The following PRUNE2 variants were observed in gnomAD, a reference collection of about 807,000 sequenced individuals.
PRUNE2 encodes protein prune homolog 2.
In PRUNE2, 164 loss-of-function variants were observed where a neutral mutation model predicts 252.0. The observed-to-expected ratio is 0.65, with a 90% CI of 0.57 to 0.74. The LOEUF (loss-of-function observed/expected upper bound fraction) is 0.74. PRUNE2 is among the 30% of genes least tolerant of loss of function. The pLI, the probability that PRUNE2 is intolerant of heterozygous loss-of-function variation, is 0.00. For missense variants in PRUNE2, 3,495 were observed against 3,711.0 expected (o/e 0.94, Z 1.51); for synonymous variants, 1,292 against 1,350.2 (o/e 0.96, Z 0.94).
intron 1 of PRUNE2, among the ~76,000 whole-genome samples, chr9:76,870,685 C>CAAAAAA (rs199892073): frequency 1.2e-4 from 10 of 82,332 alleles, no homozygotes; most frequent in Non-Finnish European, 1.9e-4. Flanking sequence ...GATTCTGTCT[C>CAAAAAA]AAAAAAAAAA....
chr9:76,675,201 C>T (rs1364014593), intron 9 of PRUNE2, among the ~76,000 whole-genome samples: 1 of 72,324 alleles, frequency 1.4e-5, no homozygotes, highest in Non-Finnish European at 3.5e-5. Context: ...CTACAATGAA[C>T]TCAAACAAAT....
chr9:76,761,105 TA>T (rs373773780), intron 6 of PRUNE2, among the ~76,000 whole-genome samples: 12,917 of 119,642 alleles, frequency 0.11, 875 homozygotes, highest in East Asian at 0.43. Flanking sequence ...AAAAAAAAAA[TA>T]CTCAACAGAG....
intron 9 of PRUNE2, among the ~76,000 whole-genome samples, chr9:76,686,325 CAT>C (rs948254054): frequency 2.5e-4 from 38 of 152,300 alleles, no homozygotes; most frequent in African/African-American, 7.9e-4. Flanking sequence ...GGAAAATAAA[CAT>C]AACAGCTCAA....
Position 76,772,546 on chromosome 9 carries a change from T to C in PRUNE2, c.756+51086A>G, listed in dbSNP as rs2053228641. 2.0e-5 allele frequency among the ~76,000 whole-genome samples: 3 copies of C among 152,282 alleles called. No individual in the cohort carries two copies. The South Asian group carries it at 6.2e-4, about 32-fold the overall frequency. ...TCCCATGGACAAGGTTAACTGCAAC[T>C]TGTGAACATGGTAAATTATTTTCTT... On this transcript the variant is annotated intron_variant, in intron 6 of 18. Transcript: ENST00000376718.
chr9:76,817,260 A>G lies in PRUNE2; in HGVS notation c.756+6372T>C, dbSNP rs2057750283. On this transcript the variant is annotated intron_variant, in intron 6 of 18. Coordinates refer to ENST00000376718, the MANE Select transcript of PRUNE2 (RefSeq NM_015225.3). ...TCTTGCATGCTGGCACCATGACCCAAGCAGTATACACAGGGCTAGAATAGG... is the reference window on the plus strand; with the variant it reads ...TCTTGCATGCTGGCACCATGACCCAGGCAGTATACACAGGGCTAGAATAGG... Among the ~76,000 whole-genome samples, 6 of 152,204 alleles carry G rather than the reference A, an allele frequency of 3.9e-5. No homozygotes were observed. The South Asian group carries it at 1.2e-3, about 31-fold the overall frequency.
chr9:76,884,364 C>T (rs1004216842), intron 1 of PRUNE2, among the ~76,000 whole-genome samples: 8 of 152,126 alleles, frequency 5.3e-5, no homozygotes, highest in Non-Finnish European at 5.9e-5. Flanking sequence ...GTGTACTGAG[C>T]GTCATTGGCT....
intron 6 of PRUNE2, among the ~76,000 whole-genome samples, chr9:76,807,392 A>G (rs184709081): frequency 2.7e-3 from 412 of 152,246 alleles, no homozygotes; most frequent in African/African-American, 9.5e-3. Flanking sequence ...CTGTACTATG[A>G]TCTTTGCTTT....
At chr9:76,693,270 T>C (rs1285666354) in intron 9 of PRUNE2, among the ~76,000 whole-genome samples, 1 of 150,330 alleles carries the variant, frequency 6.7e-6, no homozygotes, top group Non-Finnish European at 1.5e-5. Context: ...TGTTACATAA[T>C]CTTTTTCTTT....
chr9:76,623,348 G>A (rs1196887044), intron 17 of PRUNE2, among the ~76,000 whole-genome samples: 2 of 151,114 alleles, frequency 1.3e-5, no homozygotes, highest in Non-Finnish European at 2.9e-5. Context: ...AGGCTGGAGT[G>A]CAGTGGCATG....
At chr9:76,774,942 G>C (rs933898220) in intron 6 of PRUNE2, among the ~76,000 whole-genome samples, 1 of 152,142 alleles carries the variant, frequency 6.6e-6, no homozygotes, top group African/African-American at 2.4e-5. Context: ...CCTCATCTAT[G>C]TAATGGGAAC....
At chr9:76,901,871 T>C (rs2063194022) in intron 1 of PRUNE2, among the ~76,000 whole-genome samples, 1 of 152,222 alleles carries the variant, frequency 6.6e-6, no homozygotes, top group Non-Finnish European at 1.5e-5. Flanking sequence ...GTCCACCTTC[T>C]TGTTGAAAAC....
rs564354553 is a variant in PRUNE2, at chr9:76,783,483, G to C, written c.756+40149C>G. Among the ~76,000 whole-genome samples the C allele has an allele frequency of 3.9e-5, 6 of 152,266 alleles. No homozygotes were observed. In the South Asian group the frequency reaches 1.2e-3, roughly 32 times the overall value. ...CTCTAGAGGGGACCTCAAGAGAATGGTGTGTGTCAGGCACTGCACTAGTGA... is the reference window on the plus strand; with the variant it reads ...CTCTAGAGGGGACCTCAAGAGAATGCTGTGTGTCAGGCACTGCACTAGTGA... On this transcript the variant is annotated intron_variant, in intron 6 of 18. Coordinates refer to ENST00000376718, the MANE Select transcript of PRUNE2 (RefSeq NM_015225.3).
At chr9:76,789,652 C>T (rs1589243759) in intron 6 of PRUNE2, among the ~76,000 whole-genome samples, 1 of 152,172 alleles carries the variant, frequency 6.6e-6, no homozygotes, top group African/African-American at 2.4e-5. Flanking sequence ...CACCAAGCAT[C>T]CCCGCAAGGT....
chr9:76,896,772 C>T (rs1405881758), intron 1 of PRUNE2, among the ~76,000 whole-genome samples: 3 of 152,092 alleles, frequency 2.0e-5, no homozygotes, highest in African/African-American at 4.8e-5. Flanking sequence ...CCCCTGACAT[C>T]GGTCAATCCA....
intron 11 of PRUNE2, among the ~76,000 whole-genome samples, chr9:76,646,931 G>GTAATCCCAGCACTCT (rs1488864748): frequency 6.6e-6 from 1 of 152,164 alleles, no homozygotes; most frequent in African/African-American, 2.4e-5. Flanking sequence ...GCTCAAGCCT[G>GTAATCCCAGCACTCT]TAATCCCAGC....
chr9:76,773,585 A>G lies in PRUNE2; in HGVS notation c.756+50047T>C, dbSNP rs150369184. 4.9e-3 allele frequency among the ~76,000 whole-genome samples: 742 copies of G among 152,048 alleles called. 17 individuals are homozygous for G. The East Asian group carries it at 0.07, about 14-fold the overall frequency. On this transcript the variant is annotated intron_variant, in intron 6 of 18. Transcript: ENST00000376718. Reference sequence around the variant, plus strand: ...TAGCCTCCTGAGTAGCTGGGATTACAGGCACCTGCCAGCAAGCCAGGCTAA... The same window carrying G: ...TAGCCTCCTGAGTAGCTGGGATTACGGGCACCTGCCAGCAAGCCAGGCTAA...
In PRUNE2 at chr9:76,723,061, C is replaced by T. The variant is rs2047782860; in HGVS notation, c.757-9340G>A. On this transcript the variant is annotated intron_variant, in intron 6 of 18. Transcript: ENST00000376718. ...CTGCTTACGTCTTTTGAAGATCGAA[C>T]ATTACCATGCTTTGTGAGCAATTTC... Among the ~76,000 whole-genome samples the T allele has an allele frequency of 2.0e-5, 3 of 152,212 alleles. No homozygotes were observed. The South Asian group carries it at 6.2e-4, about 32-fold the overall frequency.
At chr9:76,828,667 A>AT (rs969883136) in intron 4 of PRUNE2, among the ~76,000 whole-genome samples, 1 of 152,160 alleles carries the variant, frequency 6.6e-6, no homozygotes, top group African/African-American at 2.4e-5. Context: ...AGCCAGCTGG[A>AT]TTTTGTGTAT....
In PRUNE2 at chr9:76,655,327, A is replaced by G. The variant is rs3739519; in HGVS notation, c.8356+96T>C. On this transcript the variant is annotated intron_variant, in intron 10 of 18. Coordinates refer to ENST00000376718, the MANE Select transcript of PRUNE2 (RefSeq NM_015225.3). Reference sequence around the variant, plus strand: ...TCCTCTCACTGTTATCACTGAAATCATAAGTTAGATGCACAGGAAATAATT... The same window carrying G: ...TCCTCTCACTGTTATCACTGAAATCGTAAGTTAGATGCACAGGAAATAATT... 5.2e-3 allele frequency: 4,726 copies of G among 900,450 alleles called. 230 individuals carry two copies. The East Asian group carries it at 0.095, about 18-fold the overall frequency. 55.8% of individuals were successfully genotyped at this position (900,450 alleles called of 1,614,324 possible). A position where few individuals can be genotyped will look rare whatever the true frequency, so the allele number is the denominator to read the frequency against.
Sources: allele counts gnomAD v4.1 joint callset (sites outside exome capture counted in the v4.1 genomes callset), GRCh38; gene constraint gnomAD v4.1.1; transcripts MANE v1.5; gene names NCBI Gene and HGNC (gene_info 2026-07-23, HGNC 2026-07-21).